The following KNDC1 variants were observed in gnomAD, a reference collection of about 807,000 sequenced individuals.
KNDC1 encodes kinase non-catalytic C-lobe domain-containing protein 1.
A neutral mutation model predicts 172.8 loss-of-function variants in KNDC1; 106 were observed. The ratio of observed to expected loss-of-function variants is 0.61; its 90% CI spans 0.52 to 0.72. The LOEUF (loss-of-function observed/expected upper bound fraction) is 0.72. Among genes scored for constraint, KNDC1 ranks in the 30% least tolerant of loss-of-function variants. The probability of loss-of-function intolerance (pLI) is 0.00; values close to 1 mark genes in which losing one functional copy is unlikely to be tolerated. For missense variants in KNDC1, 2,325 were observed against 2,394.5 expected, an observed-to-expected ratio of 0.97 and a Z score of 0.61; for synonymous variants, 1,083 against 1,062.2, an observed-to-expected ratio of 1.02 and a Z score of -0.38.
intron 16 of KNDC1, among the ~76,000 whole-genome samples, chr10:133,201,236 G>C (rs75632466): frequency 6.6e-6 from 1 of 152,226 alleles, no homozygotes; most frequent in Non-Finnish European, 1.5e-5. Flanking sequence ...GGGCGAGTAC[G>C]AGTTTGGAAG....
chr10:133,186,825 C>T (rs1030213070), intron 6 of KNDC1, 151 bp downstream of exon 6: 19 of 657,044 alleles, frequency 2.9e-5, no homozygotes, highest in African/African-American at 2.0e-4. Context: ...TGAGCTGCCC[C>T]GTTTCTGAAG....
At chr10:133,195,391 G>T (rs1214198353) in intron 9 of KNDC1, among the ~76,000 whole-genome samples, 2 of 152,206 alleles carry the variant, frequency 1.3e-5, no homozygotes, top group African/African-American at 4.8e-5. Context: ...TGGAAGGTGG[G>T]AAAGTCCAGT....
intron 3 of KNDC1, among the ~76,000 whole-genome samples, chr10:133,176,984 CTCTGCCA>C (rs1853553849): frequency 6.6e-6 from 1 of 152,354 alleles, no homozygotes; most frequent in Admixed American, 6.5e-5. Flanking sequence ...CAGATGCAGC[CTCTGCCA>C]TCTGAGTCTG....
chr10:133,190,400 A>C (rs575544159), intron 9 of KNDC1, among the ~76,000 whole-genome samples: 2 of 151,918 alleles, frequency 1.3e-5, no homozygotes, highest in Admixed American at 6.6e-5. Context: ...TGCAGTAAGC[A>C]CCCTGCACTA....
intron 3 of KNDC1, among the ~76,000 whole-genome samples, chr10:133,175,847 T>G (rs1238312456): frequency 2.0e-5 from 3 of 150,314 alleles, no homozygotes; most frequent in Non-Finnish European, 4.4e-5. Flanking sequence ...GATGGGTGAG[T>G]GGACGTGTGG....
Position 133,219,938 on chromosome 10 carries a change from C to T in KNDC1, c.4861-17C>T. The T allele has an allele frequency of 6.5e-7, 1 of 1,546,168 alleles. No homozygotes were observed. The highest frequency in any genetic ancestry group is 1.2e-5 in the South Asian group (1 of 83,736). On this transcript the variant is annotated splice_polypyrimidine_tract_variant and intron_variant, in intron 28 of 29. Coordinates refer to ENST00000304613, the MANE Select transcript of KNDC1 (RefSeq NM_152643.8). ...CGCCCTGTCTCTCCCCGGCCCACGC[C>T]CCGGCTGGACCACCAGGTCTTCCTG...
At chr10:133,161,090 G>A (rs1852953684) in intron 1 of KNDC1, among the ~76,000 whole-genome samples, 1 of 152,082 alleles carries the variant, frequency 6.6e-6, no homozygotes, top group South Asian at 2.1e-4. Context: ...GCAAGGTGCA[G>A]AGGGGCTCTG....
intron 7 of KNDC1, among the ~76,000 whole-genome samples, chr10:133,189,341 T>C (rs1329095986): frequency 6.6e-6 from 1 of 152,172 alleles, no homozygotes; most frequent in East Asian, 1.9e-4. Flanking sequence ...CTTGGCTCCC[T>C]TTCAGCCGCA....
Position 133,220,578 on chromosome 10 carries a change from CG to C in KNDC1, c.5018+469del, listed in dbSNP as rs1845565123. Among the ~76,000 whole-genome samples, 10 of 18,288 alleles carry C rather than the reference CG, an allele frequency of 5.5e-4. 1 individual carries two copies. The highest frequency in any genetic ancestry group is 1.6e-3 in the African/African-American group (10 of 6,140). The allele number at this position is 18,288 out of a possible 152,430, so 12.0% of individuals were successfully genotyped here. On this transcript the variant is annotated intron_variant, in intron 29 of 29. Transcript: ENST00000304613. ...GCGCCCAGGTGAGGAGGGGCTCAGG[CG>C]GGCGCGCGCCCAGGAGAGGAGGGGC... is the stretch of plus-strand genomic sequence containing the variant.
intron 3 of KNDC1, among the ~76,000 whole-genome samples, chr10:133,177,940 C>T (rs942982667): frequency 4.4e-5 from 6 of 135,864 alleles, no homozygotes; most frequent in Non-Finnish European, 7.7e-5. Flanking sequence ...TGTTATGTCA[C>T]GGACACGTGT....
In KNDC1 at chr10:133,199,123, G is replaced by T. The variant is rs372750618; in HGVS notation, c.2615G>T (p.Arg872Leu). The stretch of plus-strand genomic sequence containing the variant: ...CCAGAGAGGCCGCGGCCCGCAGACC[G>T]GAGGCTCTGTCTGCCCTGCGTGGAT... ...SVPERPRPADRRLCLPCVDAS... is the reference protein window; with the variant it reads ...SVPERPRPADLRLCLPCVDAS... Residue 872 changes from arginine to leucine, a missense_variant, in exon 14 of 30, where the codon CGG becomes CTG. Transcript: ENST00000304613. The T allele has an allele frequency of 3.1e-6, 5 of 1,607,138 alleles. No individual in the cohort carries two copies. The African/African-American group carries it at 5.3e-5, about 17-fold the overall frequency.
intron 4 of KNDC1, 139 bp from the exon 5 acceptor site, chr10:133,183,732 GA>G: frequency 1.2e-6 from 1 of 809,826 alleles, no homozygotes; most frequent in Non-Finnish European, 1.9e-6. Context: ...TTTCATACTA[GA>G]AAATGGGCAA....
chr10:133,200,765 G>A (rs1385924986), intron 16 of KNDC1, among the ~76,000 whole-genome samples: 2 of 152,310 alleles, frequency 1.3e-5, no homozygotes, highest in South Asian at 2.1e-4. Flanking sequence ...CTCTGTCACC[G>A]GCCACTGGGA....
chr10:133,164,917 A>AC (rs368908711), intron 1 of KNDC1, among the ~76,000 whole-genome samples: 77 of 150,466 alleles, frequency 5.1e-4, no homozygotes, highest in African/African-American at 1.6e-3. Flanking sequence ...GGCCTGTCTG[A>AC]CCCCCCCTTG....
In KNDC1 at chr10:133,197,755, A is replaced by G. The variant is rs777073108; in HGVS notation, c.1893A>G (p.Pro631=). The change falls in exon 12 of 30, where the codon CCA becomes CCG. Residue 631 remains proline (P), a synonymous_variant. Transcript: ENST00000304613. The stretch of plus-strand genomic sequence containing the variant: ...TGAAGCCCAGTGTGGCACCAGCCCC[A>G]GAGCCCAGCCCAGGTGGGGACCTGA... ...VELKPSVAPA[P]EPSPGFLPVN... 6.2e-7 allele frequency: 1 copy of G among 1,612,156 alleles called. No homozygotes were observed. The highest frequency in any genetic ancestry group is 1.1e-5 in the South Asian group (1 of 91,082).
rs1326423554 is a variant in KNDC1, at chr10:133,198,485, C to T, written c.2055C>T (p.Asn685=). The T allele has an allele frequency of 6.9e-6, 11 of 1,604,984 alleles. No individual in the cohort carries two copies. In the African/African-American group the frequency reaches 1.1e-4, roughly 16 times the overall value. ...TCAAGCCCATTGTCCTCGCGCAGAA[C>T]GCAAGTGTGGCCAGGTGAGCATCGT... ...THFKPIVLAQ[N]ASVARDQPAL... Residue 685 remains asparagine (N), a synonymous_variant, in exon 13 of 30, where the codon AAC becomes AAT. Coordinates refer to ENST00000304613, the MANE Select transcript of KNDC1 (RefSeq NM_152643.8).
In KNDC1 at chr10:133,185,971, C is replaced by T; in HGVS notation, c.626-3C>T. On this transcript the variant is annotated splice_region_variant and splice_polypyrimidine_tract_variant and intron_variant, in intron 5 of 29. Coordinates refer to ENST00000304613, the MANE Select transcript of KNDC1 (RefSeq NM_152643.8). Reference sequence around the variant, plus strand: ...GCCGTGACCACATCTTGCTTGTGCCCAGATGTCAGCGAGAGCAGCTGGCGG... The same window carrying T: ...GCCGTGACCACATCTTGCTTGTGCCTAGATGTCAGCGAGAGCAGCTGGCGG... 1 of 1,423,796 alleles carries T rather than the reference C, an allele frequency of 7.0e-7. No homozygotes were observed. The highest frequency in any genetic ancestry group is 1.3e-5 in the South Asian group (1 of 74,854). 88.2% of individuals were successfully genotyped at this position (1,423,796 alleles called of 1,614,324 possible). A position where few individuals can be genotyped will look rare whatever the true frequency, so the allele number is the denominator to read the frequency against.
chr10:133,213,892 A>G (rs1845423959), intron 25 of KNDC1, 80 bp from the exon 26 acceptor site: 1 of 1,570,464 alleles, frequency 6.4e-7, no homozygotes, highest in South Asian at 1.1e-5. Context: ...ACCCCAGCCC[A>G]CCCTGCACCA....
At chr10:133,184,383 TGCGCACACAC>T (rs1356920556) in intron 5 of KNDC1, among the ~76,000 whole-genome samples, 1 of 140,236 alleles carries the variant, frequency 7.1e-6, no homozygotes, top group African/African-American at 2.6e-5. Flanking sequence ...ACACACATGC[TGCGCACACAC>T]ACGCACACAC....
Sources: allele counts gnomAD v4.1 joint callset (sites outside exome capture counted in the v4.1 genomes callset), GRCh38; gene constraint gnomAD v4.1.1; transcripts MANE v1.5; gene names NCBI Gene and HGNC (gene_info 2026-07-23, HGNC 2026-07-21).